KCNQ1: variants seen among roughly 807,000 people sequenced by gnomAD.
KCNQ1 encodes potassium voltage-gated channel subfamily Q member 1, also known as potassium voltage-gated channel subfamily KQT member 1.
KCNQ1 carries 49 observed loss-of-function variants against 72.4 expected under a neutral mutation model. That is an observed-to-expected ratio of 0.68 (90% CI 0.54 to 0.86). The LOEUF (loss-of-function observed/expected upper bound fraction) is 0.86. Among genes scored for constraint, KCNQ1 ranks in the 40% least tolerant of loss-of-function variants. KCNQ1 has a pLI of 0.00. For synonymous variants in KCNQ1, 450 were observed against 412.6 expected, an observed-to-expected ratio of 1.09 and a Z score of -1.10; for missense variants, 790 against 945.1, an observed-to-expected ratio of 0.84 and a Z score of 2.15.
At chr11:2,570,585 GGCCGA>G (rs775905188) in intron 2 of KCNQ1, 38 bp from the exon 3 acceptor site, 1 of 1,608,074 alleles carries the variant, frequency 6.2e-7, no homozygotes, top group Non-Finnish European at 8.5e-7. Flanking sequence ...AGCCACTCAA[GGCCGA>G]GCCTGCCTGC....
intron 11 of KCNQ1, among the ~76,000 whole-genome samples, chr11:2,753,054 G>T (rs1031784183): frequency 6.6e-6 from 1 of 152,164 alleles, no homozygotes; most frequent in Non-Finnish European, 1.5e-5. Flanking sequence ...CATGTGTGAT[G>T]CATCAACCCA....
rs374498121 is a variant in KCNQ1, at chr11:2,523,312, A to G, written c.387-4616A>G. ...TGGTTCAAGCAATCCCCCTGCCTCA[A>G]TCTCCTGAGTGGCTGGGATTACAGG... On this transcript the variant is annotated intron_variant, in intron 1 of 15. Transcript: ENST00000155840. 1.9e-3 allele frequency among the ~76,000 whole-genome samples: 293 copies of G among 151,722 alleles called. 2 individuals carry two copies. Among genetic ancestry groups the G allele is most frequent in the African/African-American group, 6.6e-3 (274 of 41,338 alleles).
At chr11:2,555,555 G>A (rs1169526366) in intron 2 of KCNQ1, among the ~76,000 whole-genome samples, 1 of 152,216 alleles carries the variant, frequency 6.6e-6, no homozygotes, top group Non-Finnish European at 1.5e-5. Flanking sequence ...ACCACAAATT[G>A]CAGGGCAGCC....
In KCNQ1 at chr11:2,724,852, C is replaced by T. The variant is rs140981438; in HGVS notation, c.1515-43992C>T. Among the ~76,000 whole-genome samples the T allele has an allele frequency of 2.9e-4, 44 of 152,302 alleles. No homozygotes were observed. The highest frequency in any genetic ancestry group is 1.0e-3 in the African/African-American group (43 of 41,558). Reference sequence around the variant, plus strand: ...GCTGGAACAAGGCACTGGAAGGTACCAGGCCTCAGCGTTCTCAACTGTGAA... The same window carrying T: ...GCTGGAACAAGGCACTGGAAGGTACTAGGCCTCAGCGTTCTCAACTGTGAA... On this transcript the variant is annotated intron_variant, in intron 11 of 15. Coordinates refer to ENST00000155840, the MANE Select transcript of KCNQ1 (RefSeq NM_000218.3). The surrounding 1 kb of genome is among the most constrained non-coding windows in gnomAD (Gnocchi z 6.8).
At chr11:2,823,561 G>T (rs1370304531) in intron 15 of KCNQ1, among the ~76,000 whole-genome samples, 2 of 152,228 alleles carry the variant, frequency 1.3e-5, no homozygotes, top group African/African-American at 4.8e-5. Flanking sequence ...CCAGCAGCTG[G>T]CTCAGGGCTA....
At chr11:2,845,053 G>C (rs957665950) in intron 15 of KCNQ1, among the ~76,000 whole-genome samples, 2 of 152,010 alleles carry the variant, frequency 1.3e-5, no homozygotes, top group Non-Finnish European at 2.9e-5. Flanking sequence ...GTTTCCTCAT[G>C]TGCACCCTGA....
rs2133705996 is a variant in KCNQ1 at position 2,559,485 on chromosome 11, A to T, written c.478-11143A>T. Among the ~76,000 whole-genome samples, 1 of 152,276 alleles carries T rather than the reference A, an allele frequency of 6.6e-6. No individual in the cohort carries two copies. The highest frequency in any genetic ancestry group is 1.9e-4 in the East Asian group (1 of 5,158). Reference sequence around the variant, plus strand: ...TCTCCCCAGACAGCCCACAGGGGACACTGGGCCTCATGCCGCCTGTCAGGA... The same window carrying T: ...TCTCCCCAGACAGCCCACAGGGGACTCTGGGCCTCATGCCGCCTGTCAGGA... On this transcript the variant is annotated intron_variant, in intron 2 of 15. Transcript: ENST00000155840. This position sits in a 1 kb window ranked among gnomAD's most constrained non-coding sequence, Gnocchi z 4.9.
rs761982919 is a variant in KCNQ1, at chr11:2,723,661, G to T, written c.1515-45183G>T. On this transcript the variant is annotated intron_variant, in intron 11 of 15. Coordinates refer to ENST00000155840, the MANE Select transcript of KCNQ1 (RefSeq NM_000218.3). This position sits in a 1 kb window ranked among gnomAD's most constrained non-coding sequence, Gnocchi z 4.2. ...AATCCCTCACACCTAGCGGTTGGCT[G>T]GGCAGGTGGACTGGTCCGAGCTGAG... Among the ~76,000 whole-genome samples, 42 of 152,226 alleles carry T rather than the reference G, an allele frequency of 2.8e-4. No individual in the cohort carries two copies. Among genetic ancestry groups the T allele is most frequent in the Non-Finnish European group, 4.9e-4 (33 of 68,022 alleles).
chr11:2,732,760 T>C (rs1845876946), intron 11 of KCNQ1, among the ~76,000 whole-genome samples: 1 of 151,964 alleles, frequency 6.6e-6, no homozygotes, highest in Non-Finnish European at 1.5e-5. Context: ...AACAAACATA[T>C]TTATTGTGGC....
rs1439326842 is a variant in KCNQ1, at chr11:2,462,916, C to T, written c.386+17432C>T. On this transcript the variant is annotated intron_variant, in intron 1 of 15. Coordinates refer to ENST00000155840, the MANE Select transcript of KCNQ1 (RefSeq NM_000218.3). The surrounding 1 kb of genome is among the most constrained non-coding windows in gnomAD (Gnocchi z 8.2). ...CAGCCTGGGGTTCAGGTTTCTTCCCCGTGAGCTGAGCAGACAGGGAGGGTC... is the reference window on the plus strand; with the variant it reads ...CAGCCTGGGGTTCAGGTTTCTTCCCTGTGAGCTGAGCAGACAGGGAGGGTC... Among the ~76,000 whole-genome samples, 1 of 152,170 alleles carries T rather than the reference C, an allele frequency of 6.6e-6. No homozygotes were observed. Among genetic ancestry groups the T allele is most frequent in the Non-Finnish European group, 1.5e-5 (1 of 68,034 alleles).
rs1007561081 is a variant in KCNQ1, at chr11:2,607,199, G to A, written c.1393+18345G>A. ...ATTACAGGTGTGAACCACTGCACCC[G>A]GCCAACTGTGATTTTTAATAGATGC... On this transcript the variant is annotated intron_variant, in intron 10 of 15. Transcript: ENST00000155840. Among the ~76,000 whole-genome samples, 6 of 152,014 alleles carry A rather than the reference G, an allele frequency of 3.9e-5. No homozygotes were observed. In the East Asian group the frequency reaches 7.7e-4, roughly 20 times the overall value.
In KCNQ1 at chr11:2,657,673, T is replaced by C. The variant is rs1849874063; in HGVS notation, c.1394-4288T>C. The C allele has an allele frequency of 2.5e-6, 1 of 398,654 alleles. No homozygotes were observed. The allele number at this position is 398,654 out of a possible 1,614,324, so 24.7% of individuals were successfully genotyped here. On this transcript the variant is annotated intron_variant, in intron 10 of 15. Transcript: ENST00000155840. The surrounding 1 kb of genome is among the most constrained non-coding windows in gnomAD (Gnocchi z 4.8). ...TGGATTTCCCCAGTTTAACTACTAA[T>C]GTCCTTTTTCTGTTCCAAGATCCCA...
chr11:2,586,339 C>T (rs1365377405), intron 8 of KCNQ1, among the ~76,000 whole-genome samples: 1 of 152,220 alleles, frequency 6.6e-6, no homozygotes, highest in East Asian at 1.9e-4. Context: ...ATCGGGGGGG[C>T]TGTGTGCTCC....
In KCNQ1 at chr11:2,654,217, G is replaced by A. The variant is rs993799195; in HGVS notation, c.1394-7744G>A. 1 of 398,830 alleles carries A rather than the reference G, an allele frequency of 2.5e-6. No homozygotes were observed. The highest frequency in any genetic ancestry group is 4.4e-6 in the Non-Finnish European group (1 of 226,226). 24.7% of individuals were successfully genotyped at this position (398,830 alleles called of 1,614,324 possible). A position where few individuals can be genotyped will look rare whatever the true frequency, so the allele number is the denominator to read the frequency against. Reference sequence around the variant, plus strand: ...CAGCAATGTCACGCAGGGCCTGGCTGCAGCTGTCCGGATGCCCCTGGGGAG... The same window carrying A: ...CAGCAATGTCACGCAGGGCCTGGCTACAGCTGTCCGGATGCCCCTGGGGAG... On this transcript the variant is annotated intron_variant, in intron 10 of 15. Coordinates refer to ENST00000155840, the MANE Select transcript of KCNQ1 (RefSeq NM_000218.3). The surrounding 1 kb of genome is among the most constrained non-coding windows in gnomAD (Gnocchi z 6.4).
chr11:2,555,111 A>G (rs776093590), intron 2 of KCNQ1, among the ~76,000 whole-genome samples: 7 of 152,136 alleles, frequency 4.6e-5, no homozygotes, highest in Non-Finnish European at 8.8e-5. Context: ...GCAGCTCCTC[A>G]ATCTCTGCTA....
Position 2,676,713 on chromosome 11 carries a change from C to T in KCNQ1, c.1514+14632C>T. ...GGACTACAGCCTGGCAGGAGATAAC[C>T]AAGTCATATGCATAGTGGCTTTGGG... is the stretch of plus-strand genomic sequence containing the variant. On this transcript the variant is annotated intron_variant, in intron 11 of 15. Coordinates refer to ENST00000155840, the MANE Select transcript of KCNQ1 (RefSeq NM_000218.3). This position sits in a 1 kb window ranked among gnomAD's most constrained non-coding sequence, Gnocchi z 4.2. 2.5e-6 allele frequency: 1 copy of T among 398,606 alleles called. No homozygotes were observed. The highest frequency in any genetic ancestry group is 3.6e-5 in the East Asian group (1 of 28,082). 24.7% of individuals were successfully genotyped at this position (398,606 alleles called of 1,614,324 possible). A position where few individuals can be genotyped will look rare whatever the true frequency, so the allele number is the denominator to read the frequency against.
At chr11:2,665,618 A>G (rs1001276628) in intron 11 of KCNQ1, 1 of 397,388 alleles carries the variant, frequency 2.5e-6, no homozygotes, top group Non-Finnish European at 4.4e-6. Flanking sequence ...CTTAGGCTGT[A>G]CGGCTGTGTC....
chr11:2,760,643 C>T (rs926299425), intron 11 of KCNQ1, among the ~76,000 whole-genome samples: 4 of 152,182 alleles, frequency 2.6e-5, no homozygotes, highest in African/African-American at 9.7e-5. Context: ...GCCCCGGGCC[C>T]TCAGTGCCTT....
intron 2 of KCNQ1, among the ~76,000 whole-genome samples, chr11:2,529,846 G>T (rs371239147): frequency 2.0e-5 from 3 of 152,106 alleles, no homozygotes; most frequent in Non-Finnish European, 2.9e-5. Flanking sequence ...GCTGCCAGGC[G>T]GGGGGTGCGC....
Sources: gnomAD v4.1 joint callset for allele counts (sites outside exome capture counted in the v4.1 genomes callset) on GRCh38, gnomAD v4.1.1 for gene constraint, Gnocchi (gnomAD v3.1) non-coding constraint, MANE v1.5 for transcripts, NCBI Gene and HGNC (gene_info 2026-07-23, HGNC 2026-07-21) for gene names.